HAO1: variants seen among roughly 807,000 people sequenced by gnomAD.
HAO1 encodes the protein hydroxyacid oxidase 1.
Under a neutral mutation model 39.7 loss-of-function variants are expected in HAO1, and 34 were observed. That is an observed-to-expected ratio of 0.86 (90% CI 0.65 to 1.14). The LOEUF (loss-of-function observed/expected upper bound fraction) is 1.14. Ranked by LOEUF, HAO1 falls within the 50% of genes most tolerant of loss-of-function variation. HAO1 has a pLI of 0.00. For missense variants in HAO1, 479 were observed against 464.5 expected (o/e 1.03, Z -0.29); for synonymous variants, 172 against 173.2 (o/e 0.99, Z 0.05).
At chr20:7,910,732 G>A (rs1309306470) in intron 3 of HAO1, among the ~76,000 whole-genome samples, 6 of 152,050 alleles carry the variant, frequency 3.9e-5, no homozygotes, top group African/African-American at 1.2e-4. Flanking sequence ...AGTCCCTTTT[G>A]CCACATAAAG....
In HAO1 at chr20:7,896,353, G is replaced by C. The variant is rs145084367; in HGVS notation, c.722-1129C>G. On this transcript the variant is annotated intron_variant, in intron 4 of 7. Transcript: ENST00000378789. ...AGAGCGTAGCAAAAATCAGGCCTTG[G>C]AAATTTAAGCAAATGGGTATAGGTC... 6.5e-3 allele frequency among the ~76,000 whole-genome samples: 984 copies of C among 152,190 alleles called. 5 individuals carry two copies. The highest frequency in any genetic ancestry group is 0.022 in the African/African-American group (914 of 41,528).
intron 5 of HAO1, among the ~76,000 whole-genome samples, chr20:7,887,583 A>G (rs2050156409): frequency 2.0e-5 from 3 of 152,128 alleles, no homozygotes; most frequent in Non-Finnish European, 4.4e-5. Context: ...CTCTTTTTGC[A>G]TTCAGGCAAG....
chr20:7,927,368 A>T lies in HAO1; in HGVS notation c.289+7116T>A, dbSNP rs529064368. Among the ~76,000 whole-genome samples the T allele has an allele frequency of 6.2e-4, 95 of 152,300 alleles. 1 individual carries two copies. The highest frequency in any genetic ancestry group is 2.1e-3 in the African/African-American group (88 of 41,586). On this transcript the variant is annotated intron_variant, in intron 2 of 7. Transcript: ENST00000378789. ...TTGTATCCTTCTTTAAAGAATATAAAGAAAAAAATTCAAAAAAATAAATAA... is the reference window on the plus strand; with the variant it reads ...TTGTATCCTTCTTTAAAGAATATAATGAAAAAAATTCAAAAAAATAAATAA...
rs1442399874 is a variant in HAO1 at position 7,895,210 on chromosome 20, C to A, written c.736G>T (p.Glu246Ter). ...KGILRGDDAR[E>*]AVKHGLNGIL... ...CCATTCAAGCCATGTTTAACAGCCT[C>A]CCTGGCATCATCACCTGGAGAGAGT... Residue 246 changes from glutamate (E) to a stop codon, truncating the protein, a stop_gained, in exon 5 of 8, where the codon GAG (glutamate) becomes TAG (stop). Coordinates refer to ENST00000378789, the MANE Select transcript of HAO1 (RefSeq NM_017545.3). LOFTEE classifies it high-confidence loss of function. 1 of 1,609,104 alleles carries A rather than the reference C, an allele frequency of 6.2e-7. No homozygotes were observed. Among genetic ancestry groups the A allele is most frequent in the East Asian group, 2.2e-5 (1 of 44,816 alleles).
Position 7,898,046 on chromosome 20 carries a change from A to G in HAO1, c.722-2822T>C, listed in dbSNP as rs528279886. ...GTCATATTGGAAATGCCACCCACCC[A>G]TATTTCATCCCAGCCATTCATTAAT... On this transcript the variant is annotated intron_variant, in intron 4 of 7. Coordinates refer to ENST00000378789, the MANE Select transcript of HAO1 (RefSeq NM_017545.3). 3.3e-5 allele frequency among the ~76,000 whole-genome samples: 5 copies of G among 152,260 alleles called. No homozygotes were observed. In the South Asian group the frequency reaches 1.0e-3, roughly 32 times the overall value.
At chr20:7,914,570 C>T in intron 2 of HAO1, 151 bp from the exon 3 acceptor site, 1 of 751,412 alleles carries the variant, frequency 1.3e-6, no homozygotes, top group Non-Finnish European at 2.1e-6. Flanking sequence ...CTGGCCCATA[C>T]CATCTATTTC....
chr20:7,899,660 A>G (rs1438458214), intron 4 of HAO1, among the ~76,000 whole-genome samples: 1 of 152,212 alleles, frequency 6.6e-6, no homozygotes, highest in African/African-American at 2.4e-5. Context: ...CAAAGACAAT[A>G]AGGATAATTT....
intron 3 of HAO1, among the ~76,000 whole-genome samples, chr20:7,911,644 T>C (rs771218044): frequency 6.6e-6 from 1 of 152,076 alleles, no homozygotes; most frequent in Non-Finnish European, 1.5e-5. Flanking sequence ...AAGCAGAGAC[T>C]ACCAAACCTC....
At chr20:7,911,082 C>G (rs1408188271) in intron 3 of HAO1, among the ~76,000 whole-genome samples, 1 of 152,176 alleles carries the variant, frequency 6.6e-6, no homozygotes, top group African/African-American at 2.4e-5. Flanking sequence ...TTCCAGCATG[C>G]CTGGCATATT....
chr20:7,928,987 G>A (rs1600120729), intron 2 of HAO1, among the ~76,000 whole-genome samples: 2 of 152,190 alleles, frequency 1.3e-5, no homozygotes, highest in South Asian at 4.1e-4. Context: ...GAGCTAAGAT[G>A]TGGCTGCCCC....
rs2050136250 is a variant in HAO1 at position 7,883,389 on chromosome 20, A to G, written c.*204T>C. On this transcript the variant is annotated 3_prime_UTR_variant, in exon 8 of 8. Coordinates refer to ENST00000378789, the MANE Select transcript of HAO1 (RefSeq NM_017545.3). ...TAATATATTTCCAGGATGAAAGTCC[A>G]TTTCTTTCTAAAAGGTTCCTAGGAC... 1 of 558,958 alleles carries G rather than the reference A, an allele frequency of 1.8e-6. No individual in the cohort carries two copies. Among genetic ancestry groups the G allele is most frequent in the South Asian group, 2.5e-5 (1 of 39,234 alleles). The allele number at this position is 558,958 out of a possible 1,614,324, so 34.6% of individuals were successfully genotyped here.
At chr20:7,906,368 T>C in intron 3 of HAO1, 39 bp from the exon 4 acceptor site, 1 of 1,173,464 alleles carries the variant, frequency 8.5e-7, no homozygotes, top group Non-Finnish European at 1.3e-6. Flanking sequence ...ATTTGCCAAA[T>C]TAGAAATACG....
intron 2 of HAO1, among the ~76,000 whole-genome samples, chr20:7,920,943 T>C (rs2050328297): frequency 6.6e-6 from 1 of 152,222 alleles, no homozygotes; most frequent in South Asian, 2.1e-4. Context: ...TTTTAAGGAA[T>C]TGTGTGAAAC....
chr20:7,890,944 T>G (rs2122751792), intron 5 of HAO1, among the ~76,000 whole-genome samples: 1 of 152,320 alleles, frequency 6.6e-6, no homozygotes, highest in Middle Eastern at 3.4e-3. Context: ...GTCCACTCAT[T>G]GATTGATGGG....
At chr20:7,900,957 C>G (rs543015130) in intron 4 of HAO1, among the ~76,000 whole-genome samples, 1 of 152,126 alleles carries the variant, frequency 6.6e-6, no homozygotes, top group Non-Finnish European at 1.5e-5. Context: ...AGCAAAGCAG[C>G]CTTATTGCTG....
chr20:7,927,760 A>G (rs2050366209), intron 2 of HAO1, among the ~76,000 whole-genome samples: 1 of 152,252 alleles, frequency 6.6e-6, no homozygotes, highest in African/African-American at 2.4e-5. Context: ...TTTGCAATAA[A>G]TATTTTAAGA....
At chr20:7,936,928 T>C (rs2050415285) in intron 1 of HAO1, among the ~76,000 whole-genome samples, 1 of 152,136 alleles carries the variant, frequency 6.6e-6, no homozygotes, top group South Asian at 2.1e-4. Context: ...TTTAAGTAAA[T>C]TTCCCACAAT....
chr20:7,887,308 C>T (rs1424920028), intron 5 of HAO1, among the ~76,000 whole-genome samples: 2 of 152,182 alleles, frequency 1.3e-5, no homozygotes, highest in Non-Finnish European at 1.5e-5. Context: ...AGCTGCCATA[C>T]ACTCAAGTCC....
chr20:7,910,953 T>C (rs1318031987), intron 3 of HAO1, among the ~76,000 whole-genome samples: 3 of 152,174 alleles, frequency 2.0e-5, no homozygotes, highest in African/African-American at 7.2e-5. Context: ...TTTCCCAATA[T>C]AGACATGTAT....
Sources: gnomAD v4.1 joint callset for allele counts (sites outside exome capture counted in the v4.1 genomes callset) on GRCh38, gnomAD v4.1.1 for gene constraint, MANE v1.5 for transcripts, NCBI Gene and HGNC (gene_info 2026-07-23, HGNC 2026-07-21) for gene names.